The following AGR3 variants were observed in gnomAD, a reference collection of about 807,000 sequenced individuals.
AGR3 encodes the protein anterior gradient protein 3.
Under a neutral mutation model 24.5 loss-of-function variants are expected in AGR3, and 37 were observed. That is an observed-to-expected ratio of 1.51 (90% CI 1.16 to 1.99). The LOEUF is 1.99. Ranked by LOEUF, AGR3 falls within the 30% of genes most tolerant of loss-of-function variation. The pLI, the probability that AGR3 is intolerant of heterozygous loss-of-function variation, is 0.00. For missense variants in AGR3, 228 were observed against 191.1 expected (o/e 1.19, Z -1.14); for synonymous variants, 75 against 61.6 (o/e 1.22, Z -1.02).
At chr7:16,864,219 C>T (rs374583485) in intron 3 of AGR3, 5 of 1,182,358 alleles carry the variant, frequency 4.2e-6, no homozygotes, top group Admixed American at 2.2e-5. Context: ...CTGAATGAAA[C>T]AAAAATGAAT....
chr7:16,880,741 C>T (rs541124116), intron 1 of AGR3, among the ~76,000 whole-genome samples: 1 of 152,168 alleles, frequency 6.6e-6, no homozygotes, highest in East Asian at 1.9e-4. Context: ...CCTTGGTCAT[C>T]TTGTACTTTA....
intron 4 of AGR3, 88 bp from the exon 5 acceptor site, chr7:16,862,148 T>A: frequency 9.7e-7 from 1 of 1,026,184 alleles, no homozygotes; most frequent in Non-Finnish European, 1.5e-6. Flanking sequence ...TATTTAGCAT[T>A]TGTTTGCATA....
At chr7:16,864,802 A>G (rs1175570784) in intron 3 of AGR3, 3 of 939,734 alleles carry the variant, frequency 3.2e-6, no homozygotes, top group Non-Finnish European at 1.8e-6. Context: ...GTTGGAATGT[A>G]TCACACCTCT....
chr7:16,871,568 C>G (rs563800297), intron 3 of AGR3, among the ~76,000 whole-genome samples: 1 of 152,110 alleles, frequency 6.6e-6, no homozygotes, highest in Non-Finnish European at 1.5e-5. Flanking sequence ...AAAGGCCAGG[C>G]GTGGTGGCTA....
downstream of AGR3, among the ~76,000 whole-genome samples, chr7:16,856,396 A>G (rs1268588692): frequency 6.6e-6 from 1 of 152,224 alleles, no homozygotes; most frequent in Non-Finnish European, 1.5e-5. Context: ...ACTAGTATTG[A>G]CAATATTAGC....
intron 3 of AGR3, among the ~76,000 whole-genome samples, chr7:16,863,433 AT>A (rs375412071): frequency 2.6e-5 from 4 of 152,248 alleles, no homozygotes; most frequent in African/African-American, 9.6e-5. Flanking sequence ...TATTTCATAC[AT>A]TTTTGGGGGG....
At chr7:16,857,802 A>G (rs909239252), downstream of AGR3, among the ~76,000 whole-genome samples, 6 of 152,162 alleles carry the variant, frequency 3.9e-5, no homozygotes, top group South Asian at 1.0e-3. Flanking sequence ...AATAGTGATC[A>G]AATAAGACCC....
chr7:16,858,390 T>G (rs1320911941), downstream of AGR3, among the ~76,000 whole-genome samples: 1 of 152,138 alleles, frequency 6.6e-6, no homozygotes, highest in Non-Finnish European at 1.5e-5. Context: ...TTTAAATAAA[T>G]AGAAGACATG....
At chr7:16,864,604 G>C (rs1352764923) in intron 3 of AGR3, 7 of 1,509,058 alleles carry the variant, frequency 4.6e-6, no homozygotes, top group Non-Finnish European at 6.4e-6. Flanking sequence ...CATTGGAATG[G>C]TTATTAGAGC....
intron 3 of AGR3, among the ~76,000 whole-genome samples, chr7:16,868,433 G>A (rs1781802650): frequency 6.6e-6 from 1 of 152,182 alleles, no homozygotes; most frequent in South Asian, 2.1e-4. Flanking sequence ...GGGATTACAG[G>A]TATGAGCCAC....
chr7:16,868,795 C>T (rs1211255467), intron 3 of AGR3, among the ~76,000 whole-genome samples: 3 of 152,144 alleles, frequency 2.0e-5, no homozygotes, highest in Non-Finnish European at 4.4e-5. Flanking sequence ...TTGTGAGCAT[C>T]AAAGGAGATA....
At chr7:16,873,698 C>T (rs990026412) in intron 3 of AGR3, 82 bp downstream of exon 3, 16 of 1,057,550 alleles carry the variant, frequency 1.5e-5, no homozygotes, top group Admixed American at 1.9e-5. Context: ...ATCAGCATAT[C>T]ACTCTATATT....
intron 3 of AGR3, chr7:16,865,365 G>A (rs1781736161): frequency 1.0e-5 from 12 of 1,146,126 alleles, no homozygotes; most frequent in Middle Eastern, 5.6e-4. Context: ...GTCAGGGACA[G>A]TAATTTTTCC....
chr7:16,863,722 TTTATA>T (rs1263070760), intron 3 of AGR3, among the ~76,000 whole-genome samples: 12 of 152,074 alleles, frequency 7.9e-5, no homozygotes, highest in Non-Finnish European at 1.2e-4. Context: ...CCACTGTTCT[TTTATA>T]TTATATTCTA....
chr7:16,867,496 ATACT>A (rs1781781086), intron 3 of AGR3, among the ~76,000 whole-genome samples: 1 of 152,304 alleles, frequency 6.6e-6, no homozygotes, highest in East Asian at 1.9e-4. Context: ...ATCATCTCAC[ATACT>A]TATTTTTTGT....
downstream of AGR3, among the ~76,000 whole-genome samples, chr7:16,855,951 T>C (rs10262674): frequency 0.089 from 13,414 of 151,484 alleles, 1,978 homozygotes; most frequent in African/African-American, 0.3. Context: ...ATAATATACC[T>C]GATTTTCTAT....
At chr7:16,872,118 A>G (rs569519793) in intron 3 of AGR3, among the ~76,000 whole-genome samples, 2 of 152,246 alleles carry the variant, frequency 1.3e-5, no homozygotes, top group South Asian at 2.1e-4. Context: ...TCAAATTTGT[A>G]TAGAACCACA....
intron 3 of AGR3, 74 bp downstream of exon 3, chr7:16,873,706 A>G (rs967419353): frequency 6.0e-6 from 7 of 1,172,482 alleles, no homozygotes; most frequent in South Asian, 1.3e-5. Flanking sequence ...ATCACTCTAT[A>G]TTCCATAAAT....
At chr7:16,879,360 C>T (rs73082163) in intron 1 of AGR3, among the ~76,000 whole-genome samples, 6,016 of 152,286 alleles carry the variant, frequency 0.04, 420 homozygotes, top group African/African-American at 0.14. Context: ...TGATTCTTAA[C>T]TCAATGTGCA....
Sources: gnomAD v4.1 joint callset for allele counts (sites outside exome capture counted in the v4.1 genomes callset) on GRCh38, gnomAD v4.1.1 for gene constraint, MANE v1.5 for transcripts, NCBI Gene and HGNC (gene_info 2026-07-23, HGNC 2026-07-21) for gene names.